Variants in DLG2 observed in about 807,000 individuals in gnomAD.
DLG2 encodes disks large homolog 2.
Under a neutral mutation model 132.5 loss-of-function variants are expected in DLG2, and 45 were observed. The observed-to-expected ratio is 0.34, with a 90% CI of 0.27 to 0.44. The LOEUF (loss-of-function observed/expected upper bound fraction) is 0.44, where lower values mean the gene tolerates loss of function less well. Ranked by LOEUF, DLG2 falls within the 20% of genes least tolerant of loss-of-function variation. The probability of loss-of-function intolerance (pLI) is 1.00; values close to 1 mark genes in which losing one functional copy is unlikely to be tolerated. For synonymous variants in DLG2, 424 were observed against 419.6 expected (o/e 1.01, Z -0.13); for missense variants, 1,045 against 1,196.9 (o/e 0.87, Z 1.87).
intron 15 of DLG2, among the ~76,000 whole-genome samples, chr11:83,920,207 G>C (rs1367705684): frequency 6.6e-6 from 1 of 152,080 alleles, no homozygotes; most frequent in Non-Finnish European, 1.5e-5. Context: ...CTCTGGCATA[G>C]AGTGATCTTA....
At chr11:84,120,826 T>TAAAAGCAC (rs2093875572) in intron 9 of DLG2, among the ~76,000 whole-genome samples, 1 of 152,214 alleles carries the variant, frequency 6.6e-6, no homozygotes, top group African/African-American at 2.4e-5. Flanking sequence ...GAGCTGAGTT[T>TAAAAGCAC]AAAAGCACAG....
intron 3 of DLG2, among the ~76,000 whole-genome samples, chr11:85,467,293 C>A (rs1465380988): frequency 6.6e-6 from 1 of 152,098 alleles, no homozygotes; most frequent in African/African-American, 2.4e-5. Context: ...TAATTGAATA[C>A]CCGTTATTTC....
chr11:84,270,454 C>A (rs2097706028), intron 7 of DLG2, among the ~76,000 whole-genome samples: 1 of 152,188 alleles, frequency 6.6e-6, no homozygotes, highest in South Asian at 2.1e-4. Context: ...TCCTTCTTCT[C>A]TGAAGACTGT....
chr11:85,498,454 G>A (rs1016590202), intron 3 of DLG2, among the ~76,000 whole-genome samples: 1 of 152,132 alleles, frequency 6.6e-6, no homozygotes, highest in Non-Finnish European at 1.5e-5. Flanking sequence ...CCTAAAAAGA[G>A]ACTTAGACTC....
chr11:83,887,582 C>T (rs2068306664), intron 15 of DLG2, among the ~76,000 whole-genome samples: 2 of 151,972 alleles, frequency 1.3e-5, no homozygotes, highest in Admixed American at 1.3e-4. Context: ...AGAGGGAATC[C>T]TCCCTAACTC....
rs1566441624 is a variant in DLG2 at position 84,934,516 on chromosome 11, TTTTGTTTTG to T, written c.357+177136_357+177144del. 5.5e-4 allele frequency among the ~76,000 whole-genome samples: 27 copies of T among 48,800 alleles called. 1 individual carries two copies. The highest frequency in any genetic ancestry group is 1.4e-3 in the East Asian group (1 of 718). The allele number at this position is 48,800 out of a possible 152,430, so 32.0% of individuals were successfully genotyped here. ...TATGGTCCTGGGTGTTTTTTTTTTGTTTTGTTTTGTTTTTTTTTTTTTTTTTTTTTGGTG... is the reference window on the plus strand; with the variant it reads ...TATGGTCCTGGGTGTTTTTTTTTTGTTTTTTTTTTTTTTTTTTTTTTGGTG... On this transcript the variant is annotated intron_variant, in intron 6 of 27. Transcript: ENST00000376104.
chr11:83,543,448 T>C (rs1025783574), intron 19 of DLG2, among the ~76,000 whole-genome samples: 2 of 152,174 alleles, frequency 1.3e-5, no homozygotes, highest in African/African-American at 2.4e-5. Flanking sequence ...GCCTATAGTA[T>C]GTGCAGTCTA....
At chr11:83,867,883 T>C (rs2062692850) in intron 16 of DLG2, among the ~76,000 whole-genome samples, 1 of 152,110 alleles carries the variant, frequency 6.6e-6, no homozygotes, top group Admixed American at 6.6e-5. Flanking sequence ...TGATGACACC[T>C]TTTATATTTT....
At chr11:83,595,060 T>A (rs2057335110) in intron 19 of DLG2, among the ~76,000 whole-genome samples, 1 of 152,242 alleles carries the variant, frequency 6.6e-6, no homozygotes, top group Non-Finnish European at 1.5e-5. Flanking sequence ...TAAAAGCTCA[T>A]TCTGACTACA....
intron 11 of DLG2, among the ~76,000 whole-genome samples, chr11:84,002,096 A>G (rs1310948696): frequency 5.3e-5 from 8 of 152,224 alleles, no homozygotes; most frequent in Non-Finnish European, 1.0e-4. Context: ...ATAGGTTTAA[A>G]GAACAATATA....
At chr11:84,565,962 T>G (rs928678014) in intron 6 of DLG2, among the ~76,000 whole-genome samples, 3 of 148,978 alleles carry the variant, frequency 2.0e-5, no homozygotes, top group African/African-American at 4.9e-5. Context: ...ATGATGAAGT[T>G]TTTTTTTTTT....
At position 84,777,281 on chromosome 11, in the gene DLG2, G is replaced by GTGTA. The variant is rs1218190517; in HGVS notation, c.358-242551_358-242550insTACA. Among the ~76,000 whole-genome samples the GTGTA allele has an allele frequency of 4.7e-3, 446 of 94,898 alleles. 2 individuals are homozygous for GTGTA. Among genetic ancestry groups the GTGTA allele is most frequent in the Middle Eastern group, 6.8e-3 (1 of 148 alleles). The allele number at this position is 94,898 out of a possible 152,430, so 62.3% of individuals were successfully genotyped here. ...TGTGTGTGTATGTATATGTGTGTGT[G>GTGTA]TATATATATATATATATATATATAT... On this transcript the variant is annotated intron_variant, in intron 6 of 27. Transcript: ENST00000376104.
At chr11:84,528,775 G>C (rs984760781) in intron 7 of DLG2, among the ~76,000 whole-genome samples, 2 of 152,144 alleles carry the variant, frequency 1.3e-5, no homozygotes, top group Non-Finnish European at 2.9e-5. Context: ...ATTCTAACAG[G>C]CTTCCTTTAT....
chr11:84,691,217 T>C (rs58508327), intron 6 of DLG2, among the ~76,000 whole-genome samples: 2,258 of 151,960 alleles, frequency 0.015, 60 homozygotes, highest in African/African-American at 0.051. Context: ...CAACTTACTA[T>C]CTTTAATTAT....
chr11:84,511,306 A>G (rs2099256447), intron 7 of DLG2, among the ~76,000 whole-genome samples: 1 of 152,144 alleles, frequency 6.6e-6, no homozygotes, highest in South Asian at 2.1e-4. Context: ...GGACTAATCA[A>G]ATATGAATGC....
At chr11:84,035,734 A>G (rs1205439778) in intron 11 of DLG2, among the ~76,000 whole-genome samples, 2 of 152,258 alleles carry the variant, frequency 1.3e-5, no homozygotes, top group Non-Finnish European at 2.9e-5. Flanking sequence ...GTGTGAAGAG[A>G]CTGTAGAGGG....
At chr11:85,426,547 C>T (rs947679666) in intron 3 of DLG2, among the ~76,000 whole-genome samples, 1 of 152,100 alleles carries the variant, frequency 6.6e-6, no homozygotes, top group Admixed American at 6.5e-5. Context: ...CAAACTCCAA[C>T]AGACCTGCAG....
chr11:84,841,691 T>C (rs1599470864), intron 6 of DLG2, among the ~76,000 whole-genome samples: 1 of 152,132 alleles, frequency 6.6e-6, no homozygotes, highest in East Asian at 1.9e-4. Context: ...TTTTCCACAT[T>C]CCTTTATGGT....
At chr11:85,109,923 A>G (rs2072434970) in intron 6 of DLG2, among the ~76,000 whole-genome samples, 1 of 152,124 alleles carries the variant, frequency 6.6e-6, no homozygotes, top group African/African-American at 2.4e-5. Flanking sequence ...AATCCTCTTT[A>G]CCAAGAAATC....
Sources: gnomAD v4.1 joint callset for allele counts (sites outside exome capture counted in the v4.1 genomes callset) on GRCh38, gnomAD v4.1.1 for gene constraint, MANE v1.5 for transcripts, NCBI Gene and HGNC (gene_info 2026-07-23, HGNC 2026-07-21) for gene names.